Variants in RBFOX1 observed in about 807,000 individuals in gnomAD.
RBFOX1 encodes the protein RNA binding fox-1 homolog 1.
RBFOX1 carries 8 observed loss-of-function variants against 57.7 expected under a neutral mutation model. The observed-to-expected ratio is 0.14, with a 90% CI of 0.08 to 0.25. The LOEUF is 0.25. Ranked by LOEUF, RBFOX1 falls within the 10% of genes least tolerant of loss-of-function variation. The pLI is 1.00. For synonymous variants in RBFOX1, 326 were observed against 222.4 expected (o/e 1.47, Z -4.15); for missense variants, 611 against 548.5 (o/e 1.11, Z -1.14).
chr16:6,320,672 A>G (rs187551680), intron 2 of RBFOX1, among the ~76,000 whole-genome samples: 16 of 152,246 alleles, frequency 1.1e-4, no homozygotes, highest in East Asian at 3.9e-4. Context: ...GTGCTGTTCA[A>G]TATGGTTACC....
intron 4 of RBFOX1, among the ~76,000 whole-genome samples, chr16:5,972,020 C>G (rs150508880): frequency 1.2e-3 from 179 of 152,330 alleles, no homozygotes; most frequent in Non-Finnish European, 2.2e-3. Context: ...TTCTTCCTGC[C>G]TTCGGACTCA....
chr16:6,454,103 C>A (rs1045081214), intron 2 of RBFOX1, among the ~76,000 whole-genome samples: 1 of 152,148 alleles, frequency 6.6e-6, no homozygotes, highest in Non-Finnish European at 1.5e-5. Context: ...AGGCAGCAGT[C>A]ATGTTGGATG....
chr16:6,610,221 T>C (rs1194282274), intron 2 of RBFOX1, among the ~76,000 whole-genome samples: 1 of 152,210 alleles, frequency 6.6e-6, no homozygotes, highest in African/African-American at 2.4e-5. Context: ...CTATGTTTTC[T>C]TTTCCACTGT....
At chr16:5,584,934 C>A (rs538227354) in intron 2 of RBFOX1, among the ~76,000 whole-genome samples, 3 of 151,896 alleles carry the variant, frequency 2.0e-5, no homozygotes, top group Admixed American at 1.3e-4. Flanking sequence ...TGAAAAAATA[C>A]GGTCAAAGCA....
rs118055825 is a variant in RBFOX1 at position 5,508,149 on chromosome 16, T to C, written c.258+40895T>C. 3.6e-3 allele frequency among the ~76,000 whole-genome samples: 548 copies of C among 152,310 alleles called. 6 individuals carry two copies. Among genetic ancestry groups the C allele is most frequent in the Non-Finnish European group, 5.6e-3 (382 of 68,016 alleles). ...GCAGCCTAATACAACATAGTAAAGT[T>C]TCTGTGTGCTGGGGGTCTGGACGTG... On this transcript the variant is annotated intron_variant, in intron 2 of 2. Coordinates refer to the RBFOX1 transcript ENST00000585867.
intron 2 of RBFOX1, among the ~76,000 whole-genome samples, chr16:6,440,151 G>T (rs1393108599): frequency 1.3e-5 from 2 of 151,870 alleles, no homozygotes; most frequent in African/African-American, 2.4e-5. Flanking sequence ...TGGCCAGGCT[G>T]GTCTTGAACT....
chr16:6,042,585 G>A (rs932081150), intron 1 of RBFOX1, among the ~76,000 whole-genome samples: 5 of 152,020 alleles, frequency 3.3e-5, no homozygotes, highest in African/African-American at 1.2e-4. Context: ...TGGGAATGTT[G>A]ATTAAAAAAA....
chr16:7,343,916 A>C (rs959328227), intron 4 of RBFOX1, among the ~76,000 whole-genome samples: 8 of 152,134 alleles, frequency 5.3e-5, no homozygotes, highest in African/African-American at 1.9e-4. Context: ...GCACATAGAA[A>C]GTCCTCAATA....
chr16:6,988,752 T>C (rs2090871381), intron 3 of RBFOX1, among the ~76,000 whole-genome samples: 1 of 71,780 alleles, frequency 1.4e-5, no homozygotes, highest in Non-Finnish European at 4.0e-5. Flanking sequence ...TGTTTGTTTG[T>C]TTTTTGTTTT....
At chr16:5,675,738 G>C (rs1483590915) in intron 3 of RBFOX1, among the ~76,000 whole-genome samples, 1 of 152,152 alleles carries the variant, frequency 6.6e-6, no homozygotes, top group Admixed American at 6.5e-5. Context: ...AATAGCATCT[G>C]TTCTAGTCAT....
chr16:5,990,596 A>C (rs1330419561), intron 4 of RBFOX1, among the ~76,000 whole-genome samples: 1 of 152,200 alleles, frequency 6.6e-6, no homozygotes, highest in Non-Finnish European at 1.5e-5. Context: ...CCCATGGACT[A>C]TAGCTTTTTC....
intron 1 of RBFOX1, among the ~76,000 whole-genome samples, chr16:6,179,484 A>G (rs955879562): frequency 1.3e-5 from 2 of 152,110 alleles, no homozygotes; most frequent in African/African-American, 2.4e-5. Flanking sequence ...AACATAGATC[A>G]TCTTCTGGGG....
At chr16:5,784,710 A>G (rs1288698212) in intron 3 of RBFOX1, among the ~76,000 whole-genome samples, 4 of 152,126 alleles carry the variant, frequency 2.6e-5, no homozygotes, top group Non-Finnish European at 2.9e-5. Context: ...TTCAGGGGTA[A>G]TTAAATCATG....
intron 2 of RBFOX1, among the ~76,000 whole-genome samples, chr16:6,571,102 G>C (rs1172552142): frequency 2.0e-5 from 3 of 152,200 alleles, no homozygotes; most frequent in Non-Finnish European, 2.9e-5. Context: ...TTGCAAGTTT[G>C]TGGGTCCTCA....
chr16:7,288,781 C>T (rs967469508), intron 4 of RBFOX1, among the ~76,000 whole-genome samples: 3 of 152,196 alleles, frequency 2.0e-5, no homozygotes, highest in Non-Finnish European at 4.4e-5. Context: ...ATGGAGGTTA[C>T]AGTGAGCTGA....
chr16:5,737,183 T>C (rs2052607517), intron 3 of RBFOX1, among the ~76,000 whole-genome samples: 1 of 152,082 alleles, frequency 6.6e-6, no homozygotes, highest in South Asian at 2.1e-4. Flanking sequence ...GTCGTCATTT[T>C]TTTTAAAAAA....
chr16:5,856,577 A>G (rs189716187), intron 3 of RBFOX1, among the ~76,000 whole-genome samples: 799 of 41,460 alleles, frequency 0.019, 38 homozygotes, highest in African/African-American at 0.04. Context: ...GTGTGTGTGT[A>G]TATATATATA....
At chr16:5,532,580 G>A (rs1054777558) in intron 2 of RBFOX1, among the ~76,000 whole-genome samples, 1 of 152,202 alleles carries the variant, frequency 6.6e-6, no homozygotes, top group African/African-American at 2.4e-5. Context: ...GCACAGAGCA[G>A]CACTGGGTTA....
intron 1 of RBFOX1, among the ~76,000 whole-genome samples, chr16:5,321,764 T>C (rs941083877): frequency 2.0e-5 from 3 of 152,096 alleles, no homozygotes; most frequent in Non-Finnish European, 2.9e-5. Flanking sequence ...CCTGGATTGC[T>C]GGCAACAGAA....
Sources: allele counts gnomAD v4.1 joint callset (sites outside exome capture counted in the v4.1 genomes callset), GRCh38; gene constraint gnomAD v4.1.1; transcripts MANE v1.5; gene names NCBI Gene and HGNC (gene_info 2026-07-23, HGNC 2026-07-21).